The following KCNH7 variants were observed in gnomAD, a reference collection of about 807,000 sequenced individuals.
KCNH7 encodes voltage-gated inwardly rectifying potassium channel KCNH7.
In KCNH7, 49 loss-of-function variants were observed where a neutral mutation model predicts 120.8. The ratio of observed to expected loss-of-function variants is 0.41; its 90% confidence interval spans 0.32 to 0.51. The LOEUF is 0.51. KCNH7 is among the 20% of genes least tolerant of loss of function. The pLI is 0.38. For missense variants in KCNH7, 1,097 were observed against 1,446.6 expected, an observed-to-expected ratio of 0.76 and a Z score of 3.92; for synonymous variants, 547 against 516.1, an observed-to-expected ratio of 1.06 and a Z score of -0.81.
chr2:162,696,907 T>C (rs1369252), intron 2 of KCNH7, among the ~76,000 whole-genome samples: 24,305 of 152,112 alleles, frequency 0.16, 2,289 homozygotes, highest in East Asian at 0.46. Flanking sequence ...AAACTCTAAC[T>C]GGTCTTTGGA....
intron 3 of KCNH7, among the ~76,000 whole-genome samples, chr2:162,524,523 A>G (rs1047946654): frequency 1.3e-5 from 2 of 152,014 alleles, no homozygotes; most frequent in African/African-American, 2.4e-5. Flanking sequence ...CTGAAAAATT[A>G]TGATCTGAAT....
At chr2:162,489,786 T>G (rs1271647599) in intron 6 of KCNH7, among the ~76,000 whole-genome samples, 7 of 152,268 alleles carry the variant, frequency 4.6e-5, no homozygotes, top group South Asian at 4.1e-4. Context: ...GGAAAAACAT[T>G]GGATAGGAAT....
chr2:162,786,184 A>G (rs948669103), intron 2 of KCNH7, among the ~76,000 whole-genome samples: 7 of 146,576 alleles, frequency 4.8e-5, no homozygotes, highest in African/African-American at 1.3e-4. Context: ...TGGAAGCTGC[A>G]GTGAGCCGAG....
intron 2 of KCNH7, among the ~76,000 whole-genome samples, chr2:162,571,924 A>T (rs1314272332): frequency 6.6e-6 from 1 of 151,982 alleles, no homozygotes; most frequent in Non-Finnish European, 1.5e-5. Flanking sequence ...TAAACGTTAG[A>T]CCTAAAATCA....
At chr2:162,780,320 T>C (rs2105492277) in intron 2 of KCNH7, among the ~76,000 whole-genome samples, 1 of 152,318 alleles carries the variant, frequency 6.6e-6, no homozygotes, top group Admixed American at 6.5e-5. Flanking sequence ...CTCATTCTTT[T>C]TTAAGGGCTG....
At chr2:162,431,715 T>C (rs1243761813) in intron 8 of KCNH7, among the ~76,000 whole-genome samples, 2 of 151,924 alleles carry the variant, frequency 1.3e-5, no homozygotes, top group African/African-American at 4.8e-5. Context: ...GATTAGAGTG[T>C]TTTCTTTTTT....
chr2:162,424,427 G>A lies in KCNH7; in HGVS notation c.1955-892C>T, dbSNP rs575109272. ...AAAAATAAATGCTATTCTCTGTACA[G>A]AAAGTCACATCACGATATATATTCT... On this transcript the variant is annotated intron_variant, in intron 8 of 15. Coordinates refer to ENST00000332142, the MANE Select transcript of KCNH7 (RefSeq NM_033272.4). 2.0e-5 allele frequency among the ~76,000 whole-genome samples: 3 copies of A among 152,162 alleles called. No individual in the cohort carries two copies. In the South Asian group the frequency reaches 6.2e-4, roughly 32 times the overall value.
At chr2:162,404,546 A>T (rs577602542) in intron 9 of KCNH7, among the ~76,000 whole-genome samples, 1 of 151,910 alleles carries the variant, frequency 6.6e-6, no homozygotes, top group South Asian at 2.1e-4. Flanking sequence ...GTGAGCTCTC[A>T]TGAAATCTGG....
intron 2 of KCNH7, among the ~76,000 whole-genome samples, chr2:162,813,239 T>G (rs1169946347): frequency 1.3e-5 from 2 of 152,082 alleles, no homozygotes; most frequent in African/African-American, 2.4e-5. Context: ...GGCCCAGGAA[T>G]GGTCAACCCA....
chr2:162,809,745 T>C (rs940152170), intron 2 of KCNH7, among the ~76,000 whole-genome samples: 14 of 152,264 alleles, frequency 9.2e-5, no homozygotes, highest in African/African-American at 2.4e-4. Flanking sequence ...AGTAAATATA[T>C]AAGCAAGAGA....
chr2:162,411,184 A>G (rs1246437825), intron 9 of KCNH7, among the ~76,000 whole-genome samples: 1 of 152,170 alleles, frequency 6.6e-6, no homozygotes, highest in Admixed American at 6.6e-5. Context: ...TCAAAGTAGC[A>G]AAGACATGAA....
intron 2 of KCNH7, among the ~76,000 whole-genome samples, chr2:162,687,750 A>G (rs1263132852): frequency 6.6e-6 from 1 of 152,196 alleles, no homozygotes; most frequent in Non-Finnish European, 1.5e-5. Context: ...GATTAAGGGT[A>G]CATTAATTTA....
intron 2 of KCNH7, among the ~76,000 whole-genome samples, chr2:162,753,980 T>C (rs556641382): frequency 1.8e-4 from 27 of 152,022 alleles, no homozygotes; most frequent in Non-Finnish European, 3.4e-4. Flanking sequence ...ATTTTAATAT[T>C]TACAATAATG....
chr2:162,450,562 T>C (rs1688734456), intron 6 of KCNH7, among the ~76,000 whole-genome samples: 1 of 152,098 alleles, frequency 6.6e-6, no homozygotes, highest in South Asian at 2.1e-4. Context: ...ATCAGGTAGA[T>C]GGCAGTACTT....
intron 2 of KCNH7, among the ~76,000 whole-genome samples, chr2:162,597,643 A>G (rs1445597029): frequency 2.6e-5 from 4 of 152,070 alleles, no homozygotes; most frequent in Non-Finnish European, 5.9e-5. Context: ...CAAGGTGACT[A>G]TAATTAATAA....
At chr2:162,735,994 C>G (rs1030801374) in intron 2 of KCNH7, among the ~76,000 whole-genome samples, 2 of 152,070 alleles carry the variant, frequency 1.3e-5, no homozygotes, top group African/African-American at 4.8e-5. Context: ...ATGACTTGAC[C>G]ATGAATGGAA....
At chr2:162,670,679 C>T (rs969508035) in intron 2 of KCNH7, among the ~76,000 whole-genome samples, 6 of 150,952 alleles carry the variant, frequency 4.0e-5, no homozygotes, top group Non-Finnish European at 7.4e-5. Context: ...CCTAGGATAA[C>T]CTGTAATGAT....
At chr2:162,791,998 T>G (rs1325157211) in intron 2 of KCNH7, among the ~76,000 whole-genome samples, 1 of 151,918 alleles carries the variant, frequency 6.6e-6, no homozygotes, top group Admixed American at 6.6e-5. Flanking sequence ...CATGAAGGGG[T>G]GCTGAATTTT....
chr2:162,770,325 CATAT>C (rs3052917), intron 2 of KCNH7, among the ~76,000 whole-genome samples: 4 of 148,740 alleles, frequency 2.7e-5, no homozygotes, highest in African/African-American at 9.8e-5. Context: ...TACATATTTA[CATAT>C]ATATATATAC....
Sources: allele counts gnomAD v4.1 joint callset (sites outside exome capture counted in the v4.1 genomes callset), GRCh38; gene constraint gnomAD v4.1.1; transcripts MANE v1.5; gene names NCBI Gene and HGNC (gene_info 2026-07-23, HGNC 2026-07-21).